FERMT1: variants seen among roughly 807,000 people sequenced by gnomAD.
FERMT1 encodes the protein fermitin family homolog 1.
Under a neutral mutation model 85.3 loss-of-function variants are expected in FERMT1, and 60 were observed. The observed-to-expected ratio is 0.70, with a 90% CI of 0.57 to 0.87. The LOEUF is 0.87. Ranked by LOEUF, FERMT1 falls within the 40% of genes least tolerant of loss-of-function variation. The pLI is 0.00. For missense variants in FERMT1, 701 were observed against 818.9 expected, an observed-to-expected ratio of 0.86 and a Z score of 1.76; for synonymous variants, 275 against 301.1, an observed-to-expected ratio of 0.91 and a Z score of 0.90.
chr20:6,090,302 T>G (rs902347538), intron 9 of FERMT1, among the ~76,000 whole-genome samples: 1 of 152,070 alleles, frequency 6.6e-6, no homozygotes, highest in Non-Finnish European at 1.5e-5. Context: ...CTCGATCTCC[T>G]GACCTTGTGA....
intron 1 of FERMT1, among the ~76,000 whole-genome samples, chr20:6,122,412 A>C (rs1163383291): frequency 2.0e-5 from 3 of 152,184 alleles, no homozygotes; most frequent in Non-Finnish European, 4.4e-5. Flanking sequence ...AGGAAGGAGG[A>C]AAGATGAGGG....
At position 6,088,216 on chromosome 20, in the gene FERMT1, T is replaced by C. The variant is rs749922; in HGVS notation, c.1265-333A>G. Among the ~76,000 whole-genome samples the C allele has an allele frequency of 0.5, 76,546 of 152,070 alleles. 19,754 individuals carry two copies. Among genetic ancestry groups the C allele is most frequent in the East Asian group, 0.77 (4,005 of 5,180 alleles). ...CAAAGCAGAAGGAATTCTCTGATTG[T>C]CACAATAATGTGAGTTGAGTGTACT... On this transcript the variant is annotated intron_variant, in intron 10 of 14. Transcript: ENST00000217289.
At chr20:6,091,937 A>ATTT (rs3060080) in intron 9 of FERMT1, among the ~76,000 whole-genome samples, 14,060 of 142,354 alleles carry the variant, frequency 0.099, 722 homozygotes, top group African/African-American at 0.11. Flanking sequence ...TCTCGTTAGA[A>ATTT]TTTTTTTTTT....
chr20:6,085,304 G>A lies in FERMT1; in HGVS notation c.1372-17C>T. 6.2e-7 allele frequency: 1 copy of A among 1,611,282 alleles called. No homozygotes were observed. The highest frequency in any genetic ancestry group is 8.5e-7 in the Non-Finnish European group (1 of 1,178,784). ...TTGATTCTCCTGCAGCAAACAGAAG[G>A]TTGAGAAGCAAGCTCAAGTGCAAAG... On this transcript the variant is annotated splice_polypyrimidine_tract_variant and intron_variant, in intron 11 of 14. Coordinates refer to ENST00000217289, the MANE Select transcript of FERMT1 (RefSeq NM_017671.5).
chr20:6,108,516 A>G (rs903372185), intron 5 of FERMT1, among the ~76,000 whole-genome samples: 12 of 152,098 alleles, frequency 7.9e-5, no homozygotes, highest in African/African-American at 2.4e-4. Context: ...ATCCTTAAAG[A>G]TCACAGGCCT....
rs869312730 is a variant in FERMT1, at chr20:6,089,053, A to T, written c.1176T>A (p.Tyr392Ter). 1 of 1,612,436 alleles carries T rather than the reference A, an allele frequency of 6.2e-7. No individual in the cohort carries two copies. ...TGGATGTGTCTTTAAAGATAAACCAATATTGTTTGAAAGCTTTTGGTAGTA... is the reference window on the plus strand; with the variant it reads ...TGGATGTGTCTTTAAAGATAAACCATTATTGTTTGAAAGCTTTTGGTAGTA... ...KKLLPKAFKQ[Y>*]WFIFKDTSIA... The change falls in exon 10 of 15, where the codon TAT becomes TAA. Residue 392 changes from tyrosine (Y) to a stop codon, truncating the protein, a stop_gained. Transcript: ENST00000217289. LOFTEE classifies it high-confidence loss of function.
Position 6,077,036 on chromosome 20 carries a change from T to C in FERMT1, c.*137A>G, listed in dbSNP as rs1981844564. 1 of 887,298 alleles carries C rather than the reference T, an allele frequency of 1.1e-6. No homozygotes were observed. Among genetic ancestry groups the C allele is most frequent in the Non-Finnish European group, 1.9e-6 (1 of 536,744 alleles). 55.0% of individuals were successfully genotyped at this position (887,298 alleles called of 1,614,324 possible). ...GGGATGTGCCAGCAGTGGGTTTGAA[T>C]GAGGATCTGGGTGACCAGCGGTGAA... On this transcript the variant is annotated 3_prime_UTR_variant, in exon 15 of 15. Transcript: ENST00000217289.
In FERMT1 at chr20:6,076,675, G is replaced by C. The variant is rs1568650890; in HGVS notation, c.*498C>G. On this transcript the variant is annotated 3_prime_UTR_variant, in exon 15 of 15. Transcript: ENST00000217289. The stretch of plus-strand genomic sequence containing the variant: ...GGCCTCCAGGGAAAAAGTGTGTGTA[G>C]GAACTCCCTCTGCCATTTTGAAAAG... The C allele has an allele frequency of 1.8e-5, 6 of 335,242 alleles. No individual in the cohort carries two copies. Among genetic ancestry groups the C allele is most frequent in the Non-Finnish European group, 2.9e-5 (5 of 169,648 alleles). 20.8% of individuals were successfully genotyped at this position (335,242 alleles called of 1,614,324 possible).
intron 8 of FERMT1, among the ~76,000 whole-genome samples, chr20:6,095,715 C>T (rs1438804779): frequency 6.6e-6 from 1 of 152,220 alleles, no homozygotes; most frequent in African/African-American, 2.4e-5. Flanking sequence ...ACTCCAAGTT[C>T]ATGGGGCCTA....
intron 2 of FERMT1, among the ~76,000 whole-genome samples, chr20:6,117,758 G>A (rs58991632): frequency 0.07 from 10,365 of 147,584 alleles, 964 homozygotes; most frequent in East Asian, 0.46. Context: ...TGTTGGCCAG[G>A]CTGGTCTTGA....
rs762784263 is a variant in FERMT1 at position 6,119,577 on chromosome 20, T to C, written c.-18-5A>G. On this transcript the variant is annotated splice_polypyrimidine_tract_variant and splice_region_variant and intron_variant, in intron 1 of 14. Transcript: ENST00000217289. The stretch of plus-strand genomic sequence containing the variant: ...CATTGTGGCAAATGCTGGTGTCTGC[T>C]GAACAAAAAGGCAGACATAGATTGG... The C allele has an allele frequency of 1.2e-6, 2 of 1,611,154 alleles. No individual in the cohort carries two copies. Among genetic ancestry groups the C allele is most frequent in the Non-Finnish European group, 1.7e-6 (2 of 1,178,178 alleles).
rs138607366 is a variant in FERMT1 at position 6,083,786 on chromosome 20, G to T, written c.1718+254C>A. On this transcript the variant is annotated intron_variant, in intron 13 of 14. Coordinates refer to ENST00000217289, the MANE Select transcript of FERMT1 (RefSeq NM_017671.5). ...TTTACCCTCTGGTTTTGGAAATGTA[G>T]TTATCCTAAAAAAAACCCTCCTTTT... Among the ~76,000 whole-genome samples the T allele has an allele frequency of 9.5e-4, 143 of 150,556 alleles. 1 individual carries two copies. In the East Asian group the frequency reaches 0.021, roughly 22 times the overall value.
chr20:6,084,169 A>G lies in FERMT1; in HGVS notation c.1594-5T>C, dbSNP rs1982095813. ...CTCCAGGATCCGGGCGGCCAGCTGA[A>G]CAGAAACAGACATCAACCTCTCTTC... On this transcript the variant is annotated splice_region_variant and splice_polypyrimidine_tract_variant and intron_variant, in intron 12 of 14. Coordinates refer to ENST00000217289, the MANE Select transcript of FERMT1 (RefSeq NM_017671.5). 1.9e-6 allele frequency: 3 copies of G among 1,608,756 alleles called. No homozygotes were observed. Among genetic ancestry groups the G allele is most frequent in the Non-Finnish European group, 2.5e-6 (3 of 1,177,664 alleles).
intron 10 of FERMT1, among the ~76,000 whole-genome samples, chr20:6,088,214 T>C (rs1299722792): frequency 2.0e-5 from 3 of 152,224 alleles, no homozygotes; most frequent in Non-Finnish European, 4.4e-5. Context: ...ATTCTCTGAT[T>C]GTCACAATAA....
rs6139920 is a variant in FERMT1 at position 6,120,781 on chromosome 20, G to C, written c.-18-1209C>G. ...CCCCCAGGGATCCTATTAAAATGCA[G>C]ATTCTATTCAGCAGGTCTAGGGAGG... is the stretch of plus-strand genomic sequence containing the variant. On this transcript the variant is annotated intron_variant, in intron 1 of 14. Transcript: ENST00000217289. Among the ~76,000 whole-genome samples, 99 of 152,240 alleles carry C rather than the reference G, an allele frequency of 6.5e-4. 2 individuals carry two copies. In the East Asian group the frequency reaches 0.018, roughly 28 times the overall value.
At chr20:6,083,643 G>C (rs1217958560) in intron 13 of FERMT1, among the ~76,000 whole-genome samples, 18 of 130,470 alleles carry the variant, frequency 1.4e-4, no homozygotes, top group Non-Finnish European at 2.2e-4. Flanking sequence ...AGCCTGGGCG[G>C]CAAAATGAGA....
In FERMT1 at chr20:6,076,426, T is replaced by G; in HGVS notation, c.*747A>C. On this transcript the variant is annotated 3_prime_UTR_variant, in exon 15 of 15. Transcript: ENST00000217289. ...CCTGTCCCCCTGTGTCACCCACATC[T>G]TCACAAAGGACTTACAGGTGGCTGA... 1 of 517,948 alleles carries G rather than the reference T, an allele frequency of 1.9e-6. No homozygotes were observed. The highest frequency in any genetic ancestry group is 3.9e-6 in the Non-Finnish European group (1 of 259,584). 32.1% of individuals were successfully genotyped at this position (517,948 alleles called of 1,614,324 possible). A position where few individuals can be genotyped will look rare whatever the true frequency, so the allele number is the denominator to read the frequency against.
intron 3 of FERMT1, 108 bp from the exon 4 acceptor site, chr20:6,112,731 A>G (rs1348174816): frequency 5.0e-6 from 4 of 805,662 alleles, no homozygotes; most frequent in Non-Finnish European, 7.5e-6. Context: ...AATTTCTGAA[A>G]AGTAAATGGG....
intron 3 of FERMT1, among the ~76,000 whole-genome samples, chr20:6,112,883 T>G (rs933420494): frequency 6.6e-6 from 1 of 152,304 alleles, no homozygotes; most frequent in Admixed American, 6.5e-5. Context: ...ATATTTCAAA[T>G]GTATCTAAAG....
Sources: gnomAD v4.1 joint callset for allele counts (sites outside exome capture counted in the v4.1 genomes callset) on GRCh38, gnomAD v4.1.1 for gene constraint, MANE v1.5 for transcripts, NCBI Gene and HGNC (gene_info 2026-07-23, HGNC 2026-07-21) for gene names.